EFHD2: variants seen among roughly 807,000 people sequenced by gnomAD.
EFHD2 encodes the protein EF-hand domain family member D2.
Under a neutral mutation model 20.3 loss-of-function variants are expected in EFHD2, and 12 were observed. That is an observed-to-expected ratio of 0.59 (90% CI 0.38 to 0.96). The LOEUF (loss-of-function observed/expected upper bound fraction) is 0.96, where lower values mean the gene tolerates loss of function less well. EFHD2 is among the 40% of genes least tolerant of loss of function. The pLI is 0.00. For synonymous variants in EFHD2, 131 were observed against 143.9 expected, an observed-to-expected ratio of 0.91 and a Z score of 0.64; for missense variants, 250 against 334.3, an observed-to-expected ratio of 0.75 and a Z score of 1.97.
intron 1 of EFHD2, among the ~76,000 whole-genome samples, chr1:15,420,536 T>G (rs1464856286): frequency 6.6e-6 from 1 of 152,102 alleles, no homozygotes; most frequent in African/African-American, 2.4e-5. Context: ...TATTTATTTT[T>G]TGAGACAGTG....
chr1:15,418,051 A>G (rs1707711109), intron 1 of EFHD2, among the ~76,000 whole-genome samples: 1 of 126,610 alleles, frequency 7.9e-6, no homozygotes, highest in African/African-American at 3.1e-5. Flanking sequence ...GTGCAGTGGC[A>G]CAATCTTGGC....
chr1:15,416,119 C>T (rs1707664670), intron 1 of EFHD2, among the ~76,000 whole-genome samples: 1 of 152,158 alleles, frequency 6.6e-6, no homozygotes, highest in Non-Finnish European at 1.5e-5. Context: ...GCCTCTGAGT[C>T]ACCTCTCCTT....
At position 15,413,493 on chromosome 1, in the gene EFHD2, G is replaced by A. The variant is rs1363508102; in HGVS notation, c.308+3214G>A. 6.6e-6 allele frequency among the ~76,000 whole-genome samples: 1 copy of A among 152,090 alleles called. No homozygotes were observed. The highest frequency in any genetic ancestry group is 6.5e-5 in the Admixed American group (1 of 15,270). ...TGGAACTGCCTTCCAGGGCCTTCTG[G>A]TCCACCCCTCCGTGTTGATTCAGCA... On this transcript the variant is annotated intron_variant, in intron 1 of 3. Coordinates refer to ENST00000375980, the MANE Select transcript of EFHD2 (RefSeq NM_024329.6). The surrounding 1 kb of genome is among the most constrained non-coding windows in gnomAD (Gnocchi z 4.4).
chr1:15,420,443 G>A (rs566394447), intron 1 of EFHD2, among the ~76,000 whole-genome samples: 12 of 152,300 alleles, frequency 7.9e-5, no homozygotes, highest in East Asian at 1.9e-4. Flanking sequence ...CCGGGCTAAA[G>A]TGATCCTCCC....
intron 1 of EFHD2, among the ~76,000 whole-genome samples, chr1:15,414,020 G>A (rs57339432): frequency 0.01 from 1,534 of 152,340 alleles, 26 homozygotes; most frequent in African/African-American, 0.035. Context: ...GGAGAGCCTC[G>A]GGAGTGCCCA....
chr1:15,411,245 C>T (rs1430276942), intron 1 of EFHD2, among the ~76,000 whole-genome samples: 4 of 151,930 alleles, frequency 2.6e-5, no homozygotes, highest in Non-Finnish European at 5.9e-5. Flanking sequence ...CCACACCCAC[C>T]CTGGTCAAAA....
intron 3 of EFHD2, among the ~76,000 whole-genome samples, chr1:15,428,247 C>T (rs374800291): frequency 2.0e-4 from 30 of 152,158 alleles, no homozygotes; most frequent in African/African-American, 7.0e-4. Context: ...CATCCCAGCA[C>T]TTTGGGAGGC....
At chr1:15,427,095 C>T (rs922377010) in intron 2 of EFHD2, 55 bp from the exon 3 acceptor site, 22 of 1,586,084 alleles carry the variant, frequency 1.4e-5, no homozygotes, top group African/African-American at 8.1e-5. Context: ...CCAGGGACTC[C>T]GGCTCCCCTC....
intron 1 of EFHD2, among the ~76,000 whole-genome samples, chr1:15,411,971 C>T (rs575917765): frequency 5.9e-5 from 9 of 152,204 alleles, no homozygotes; most frequent in Admixed American, 3.3e-4. Context: ...TTCCCAGTTG[C>T]GGGTGGCTGA....
rs377208489 is a variant in EFHD2 at position 15,426,588 on chromosome 1, G to T, written c.457-562G>T. Among the ~76,000 whole-genome samples the T allele has an allele frequency of 1.2e-4, 18 of 152,316 alleles. No homozygotes were observed. The highest frequency in any genetic ancestry group is 3.6e-4 in the African/African-American group (15 of 41,568). Reference sequence around the variant, plus strand: ...TGTGGGGACTCGAGGCCCAACTGGGGCCCAGGAGGTCTGGCAGGAAGCATG... The same window carrying T: ...TGTGGGGACTCGAGGCCCAACTGGGTCCCAGGAGGTCTGGCAGGAAGCATG... On this transcript the variant is annotated intron_variant, in intron 2 of 3. Coordinates refer to ENST00000375980, the MANE Select transcript of EFHD2 (RefSeq NM_024329.6). This position sits in a 1 kb window ranked among gnomAD's most constrained non-coding sequence, Gnocchi z 4.6.
At chr1:15,412,554 T>C (rs1707553990) in intron 1 of EFHD2, among the ~76,000 whole-genome samples, 1 of 152,184 alleles carries the variant, frequency 6.6e-6, no homozygotes, top group Non-Finnish European at 1.5e-5. Context: ...CAACACCCGC[T>C]TCCGTGTTCG....
chr1:15,412,599 C>A (rs1330200288), intron 1 of EFHD2, among the ~76,000 whole-genome samples: 1 of 152,166 alleles, frequency 6.6e-6, no homozygotes, highest in Non-Finnish European at 1.5e-5. Flanking sequence ...CAACCCCAGC[C>A]CCCGTCTCTC....
At position 15,416,227 on chromosome 1, in the gene EFHD2, G is replaced by C. The variant is rs539457390; in HGVS notation, c.308+5948G>C. ...CTCCTCCATGCTACCTGGGTCCAAG[G>C]CCTGGTGGCTTGGACTGGCTTCCAC... On this transcript the variant is annotated intron_variant, in intron 1 of 3. Transcript: ENST00000375980. Among the ~76,000 whole-genome samples, 64 of 152,170 alleles carry C rather than the reference G, an allele frequency of 4.2e-4. No individual in the cohort carries two copies. The South Asian group carries it at 6.6e-3, about 16-fold the overall frequency.
Position 15,428,795 on chromosome 1 carries a change from C to A in EFHD2, c.*71C>A. 3 of 1,542,638 alleles carry A rather than the reference C, an allele frequency of 1.9e-6. No individual in the cohort carries two copies. The highest frequency in any genetic ancestry group is 1.4e-5 in the African/African-American group (1 of 72,882). ...CGAGGGTGGCGCATGGGAGGCCGAG[C>A]CTGAATCCTTGCCTGTGTCTGACGG... On this transcript the variant is annotated 3_prime_UTR_variant, in exon 4 of 4. Coordinates refer to ENST00000375980, the MANE Select transcript of EFHD2 (RefSeq NM_024329.6).
intron 1 of EFHD2, among the ~76,000 whole-genome samples, chr1:15,421,704 T>C (rs1051607845): frequency 1.3e-5 from 2 of 152,168 alleles, no homozygotes; most frequent in African/African-American, 4.8e-5. Context: ...AAGAAACCCA[T>C]GCACTTGAGC....
At chr1:15,412,143 A>G (rs1454387876) in intron 1 of EFHD2, among the ~76,000 whole-genome samples, 1 of 151,888 alleles carries the variant, frequency 6.6e-6, no homozygotes, top group Non-Finnish European at 1.5e-5. Context: ...GAGTTCTTCT[A>G]AAGTTTCTTC....
At chr1:15,418,538 C>T (rs1210968803) in intron 1 of EFHD2, among the ~76,000 whole-genome samples, 1 of 151,854 alleles carries the variant, frequency 6.6e-6, no homozygotes, top group Non-Finnish European at 1.5e-5. Flanking sequence ...ATCTCCTGAC[C>T]TTGTGATCCG....
chr1:15,411,729 G>T (rs1416926230), intron 1 of EFHD2, among the ~76,000 whole-genome samples: 1 of 152,210 alleles, frequency 6.6e-6, no homozygotes, highest in African/African-American at 2.4e-5. Flanking sequence ...AGGCAGCCCA[G>T]GGCTGAGGGA....
intron 1 of EFHD2, among the ~76,000 whole-genome samples, chr1:15,414,532 A>G (rs1315723443): frequency 6.6e-6 from 1 of 152,226 alleles, no homozygotes; most frequent in African/African-American, 2.4e-5. Flanking sequence ...AGTCGTTACT[A>G]AATGACTGTC....
Sources: allele counts gnomAD v4.1 joint callset (sites outside exome capture counted in the v4.1 genomes callset), GRCh38; gene constraint gnomAD v4.1.1; non-coding constraint Gnocchi (gnomAD v3.1); transcripts MANE v1.5; gene names NCBI Gene and HGNC (gene_info 2026-07-23, HGNC 2026-07-21).